The following RELN variants were observed in gnomAD, a reference collection of about 807,000 sequenced individuals.
RELN encodes reelin.
RELN carries 108 observed loss-of-function variants against 427.6 expected under a neutral mutation model. The observed-to-expected ratio is 0.25, with a 90% CI of 0.22 to 0.30. The LOEUF (loss-of-function observed/expected upper bound fraction) is 0.30. Ranked by LOEUF, RELN falls within the 10% of genes least tolerant of loss-of-function variation. The pLI, the probability that RELN is intolerant of heterozygous loss-of-function variation, is 1.00. For missense variants in RELN, 3,715 were observed against 4,302.8 expected (o/e 0.86, Z 3.82); for synonymous variants, 1,524 against 1,513.4 (o/e 1.01, Z -0.16).
chr7:103,941,256 T>A (rs1490811990), intron 1 of RELN, among the ~76,000 whole-genome samples: 1 of 152,260 alleles, frequency 6.6e-6, no homozygotes, highest in Non-Finnish European at 1.5e-5. Flanking sequence ...AGACTTACTC[T>A]GACCATAAAT....
intron 42 of RELN, among the ~76,000 whole-genome samples, chr7:103,543,185 A>G (rs2117135382): frequency 6.6e-6 from 1 of 152,332 alleles, no homozygotes; most frequent in South Asian, 2.1e-4. Context: ...CTGGTTAGTC[A>G]GAGAGTAGTT....
At chr7:103,883,410 A>T (rs1794651907) in intron 2 of RELN, among the ~76,000 whole-genome samples, 1 of 152,230 alleles carries the variant, frequency 6.6e-6, no homozygotes, top group African/African-American at 2.4e-5. Context: ...CCTATTCAAC[A>T]TAGTATTAGA....
At chr7:103,485,219 T>C (rs1586471149) in intron 61 of RELN, among the ~76,000 whole-genome samples, 1 of 144,532 alleles carries the variant, frequency 6.9e-6, no homozygotes, top group Middle Eastern at 3.4e-3. Context: ...AGTATATCTT[T>C]TTGGCAGGCC....
At chr7:103,516,286 CTT>C (rs3051646) in intron 49 of RELN, among the ~76,000 whole-genome samples, 16 of 141,100 alleles carry the variant, frequency 1.1e-4, no homozygotes, top group South Asian at 2.3e-4. Flanking sequence ...CACAAAGTAT[CTT>C]TTTTTTTTTT....
chr7:103,761,377 C>T (rs1295790621), intron 4 of RELN, among the ~76,000 whole-genome samples: 4 of 152,120 alleles, frequency 2.6e-5, no homozygotes, highest in Non-Finnish European at 4.4e-5. Context: ...AATTTGCTTA[C>T]AATATAAATA....
chr7:103,923,340 G>C (rs1269406855), intron 1 of RELN, among the ~76,000 whole-genome samples: 1 of 152,024 alleles, frequency 6.6e-6, no homozygotes, highest in African/African-American at 2.4e-5. Context: ...ACCTCTAGAA[G>C]AACATGACCC....
In RELN at chr7:103,914,847, A is replaced by G. The variant is rs144108400; in HGVS notation, c.337+2228T>C. Among the ~76,000 whole-genome samples the G allele has an allele frequency of 2.6e-5, 4 of 152,220 alleles. No individual in the cohort carries two copies. In the East Asian group the frequency reaches 7.7e-4, roughly 29 times the overall value. On this transcript the variant is annotated intron_variant, in intron 2 of 64. Transcript: ENST00000428762. Reference sequence around the variant, plus strand: ...CTTTGGACACCTTACACGCCTTGCCATATCAGAATTTTTAACCACAGAACA... The same window carrying G: ...CTTTGGACACCTTACACGCCTTGCCGTATCAGAATTTTTAACCACAGAACA...
chr7:103,703,514 T>C (rs1834136461), intron 8 of RELN, among the ~76,000 whole-genome samples: 1 of 152,178 alleles, frequency 6.6e-6, no homozygotes, highest in African/African-American at 2.4e-5. Flanking sequence ...CCAGACACTG[T>C]GACACCTCTC....
intron 62 of RELN, 44 bp from the exon 63 acceptor site, chr7:103,483,015 CAG>C (rs1562841456): frequency 3.9e-6 from 6 of 1,542,768 alleles, no homozygotes; most frequent in East Asian, 4.5e-5. Context: ...CATTAGGAAA[CAG>C]AACTTTTTGG....
intron 1 of RELN, among the ~76,000 whole-genome samples, chr7:103,961,911 T>C (rs767116311): frequency 2.0e-5 from 3 of 152,130 alleles, no homozygotes; most frequent in Admixed American, 1.3e-4. Context: ...TTTTCCAAAC[T>C]CCATTGGAAG....
At chr7:103,678,171 G>T (rs182386566) in intron 11 of RELN, among the ~76,000 whole-genome samples, 1 of 152,214 alleles carries the variant, frequency 6.6e-6, no homozygotes, top group Non-Finnish European at 1.5e-5. Flanking sequence ...TTTAAAAAAG[G>T]TGTTTTGAAT....
intron 2 of RELN, among the ~76,000 whole-genome samples, chr7:103,912,858 A>G (rs1446853210): frequency 1.3e-5 from 2 of 152,292 alleles, no homozygotes; most frequent in South Asian, 2.1e-4. Flanking sequence ...AGCGACCACA[A>G]TGAGCCTTGA....
rs377676699 is a variant in RELN at position 103,980,134 on chromosome 7, T to C, written c.226+8997A>G. Among the ~76,000 whole-genome samples the C allele has an allele frequency of 1.9e-4, 28 of 149,640 alleles. No homozygotes were observed. The East Asian group carries it at 4.9e-3, about 26-fold the overall frequency. ...AAGATCATGCCATTGCACTCCAGCC[T>C]GGACAACAAGAGCGAAACTCTGTCT... On this transcript the variant is annotated intron_variant, in intron 1 of 64. Transcript: ENST00000428762.
Position 103,640,499 on chromosome 7 carries a change from C to T in RELN, c.2069+44G>A, listed in dbSNP as rs368675377. On this transcript the variant is annotated intron_variant, in intron 17 of 64. Transcript: ENST00000428762. This position sits in a 1 kb window ranked among gnomAD's most constrained non-coding sequence, Gnocchi z 4.1. Reference sequence around the variant, plus strand: ...ACTTGCGACTTCAACACATACATTACACATCAAAAAGGAGAAGCATAAGTG... The same window carrying T: ...ACTTGCGACTTCAACACATACATTATACATCAAAAAGGAGAAGCATAAGTG... The T allele has an allele frequency of 4.0e-5, 64 of 1,586,034 alleles. No individual in the cohort carries two copies. Among genetic ancestry groups the T allele is most frequent in the Non-Finnish European group, 5.3e-5 (61 of 1,155,120 alleles).
intron 8 of RELN, among the ~76,000 whole-genome samples, chr7:103,717,477 A>T (rs1298035583): frequency 2.7e-4 from 38 of 141,496 alleles, no homozygotes; most frequent in East Asian, 8.0e-4. Context: ...TCCATATATA[A>T]AACAAAAAAA....
chr7:103,490,889 G>A (rs1828627284), intron 58 of RELN, 60 bp from the exon 59 acceptor site: 2 of 1,548,322 alleles, frequency 1.3e-6, no homozygotes, highest in Non-Finnish European at 1.8e-6. Context: ...ATCTGTTAAT[G>A]TCAAGGTAAT....
chr7:103,823,044 G>C (rs187658260), intron 3 of RELN, among the ~76,000 whole-genome samples: 11 of 152,008 alleles, frequency 7.2e-5, no homozygotes, highest in Non-Finnish European at 1.5e-4. Flanking sequence ...TTTCAATTTT[G>C]TATGTTTCCT....
At chr7:103,723,081 A>T (rs1790117549) in intron 8 of RELN, 59 bp downstream of exon 8, 3 of 1,049,284 alleles carry the variant, frequency 2.9e-6, no homozygotes, top group Admixed American at 3.4e-5. Context: ...CTGATTGCAC[A>T]CTATGTTTAA....
chr7:103,878,889 C>G (rs1411205126), intron 2 of RELN, among the ~76,000 whole-genome samples: 3 of 152,152 alleles, frequency 2.0e-5, no homozygotes, highest in Non-Finnish European at 4.4e-5. Flanking sequence ...GACAAGCAGG[C>G]AGATAATCAG....
Sources: gnomAD v4.1 joint callset for allele counts (sites outside exome capture counted in the v4.1 genomes callset) on GRCh38, gnomAD v4.1.1 for gene constraint, Gnocchi (gnomAD v3.1) non-coding constraint, MANE v1.5 for transcripts, NCBI Gene and HGNC (gene_info 2026-07-23, HGNC 2026-07-21) for gene names.